The following ZNF730 variants were observed in gnomAD, a reference collection of about 807,000 sequenced individuals.
The protein encoded by ZNF730 is zinc finger protein 730, also known as putative zinc finger protein 730.
ZNF730 carries 12 observed loss-of-function variants against 12.6 expected under a neutral mutation model. That is an observed-to-expected ratio of 0.95 (90% CI 0.61 to 1.54). The LOEUF (loss-of-function observed/expected upper bound fraction) is 1.54, where lower values mean the gene tolerates loss of function less well. ZNF730 is among the 40% of genes most tolerant of loss of function. The pLI, the probability that ZNF730 is intolerant of heterozygous loss-of-function variation, is 0.00. For missense variants in ZNF730, 643 were observed against 583.5 expected (o/e 1.10, Z -1.05); for synonymous variants, 194 against 195.8 (o/e 0.99, Z 0.08).
intron 1 of ZNF730, chr19:23,128,384 A>G (rs1395452157): frequency 2.1e-6 from 1 of 466,794 alleles, no homozygotes; most frequent in Non-Finnish European, 4.0e-6. Flanking sequence ...AAGGAGATGC[A>G]TAAGAAAGCT....
intron 3 of ZNF730, chr19:23,144,227 G>A (rs1213727526): frequency 6.6e-6 from 1 of 151,708 alleles, no homozygotes; most frequent in African/African-American, 2.4e-5. Context: ...ATCTTTAATT[G>A]AGATTTGGAC....
chr19:23,138,909 C>T (rs1970873042), intron 3 of ZNF730, among the ~76,000 whole-genome samples: 1 of 152,090 alleles, frequency 6.6e-6, no homozygotes, highest in Non-Finnish European at 1.5e-5. Flanking sequence ...GACAGATTTT[C>T]TTGCTGTAGG....
In ZNF730 at chr19:23,144,028, A is replaced by AT. The variant is rs1970966293; in HGVS notation, c.227-1237dup. 3 of 150,072 alleles carry AT rather than the reference A, an allele frequency of 2.0e-5. No individual in the cohort carries two copies. The South Asian group carries it at 6.4e-4, about 32-fold the overall frequency. 9.3% of individuals were successfully genotyped at this position (150,072 alleles called of 1,614,324 possible). On this transcript the variant is annotated intron_variant, in intron 3 of 3. Coordinates refer to ENST00000597761, the MANE Select transcript of ZNF730 (RefSeq NM_001277403.2). ...TTACCCCCATAATTTCTATTTTTTAATTTTTTCAATATTTTTGTTCTTATC... is the reference window on the plus strand; with the variant it reads ...TTACCCCCATAATTTCTATTTTTTAATTTTTTTCAATATTTTTGTTCTTATC...
At chr19:23,095,218 C>CT in intron 1 of ZNF730, 1 of 395,038 alleles carries the variant, frequency 2.5e-6, no homozygotes, top group Non-Finnish European at 4.5e-6. Context: ...ATCACTGGGT[C>CT]TTGTACCCAG....
chr19:23,101,458 G>A lies in ZNF730; in HGVS notation c.-94+26071G>A, dbSNP rs74354526. On this transcript the variant is annotated intron_variant, in intron 1 of 2. Coordinates refer to the ZNF730 transcript ENST00000593635. ...TACTTAGACCCAACGTACAGAAAGTGTTGACTCATACCTAGCACCTGGACA... is the reference window on the plus strand; with the variant it reads ...TACTTAGACCCAACGTACAGAAAGTATTGACTCATACCTAGCACCTGGACA... Among the ~76,000 whole-genome samples, 1,336 of 152,314 alleles carry A rather than the reference G, an allele frequency of 8.8e-3. 24 individuals carry two copies. Among genetic ancestry groups the A allele is most frequent in the African/African-American group, 0.029 (1,224 of 41,562 alleles).
Position 23,145,495 on chromosome 19 carries a change from G to A in ZNF730, c.451G>A (p.Val151Met), listed in dbSNP as rs867642077. ...HSKIFQCDKYVKVFHKFSNSN... is the reference protein window; with the variant it reads ...HSKIFQCDKYMKVFHKFSNSN... ...CAAAATATTTCAGTGTGACAAATAT[G>A]TGAAAGTCTTTCATAAATTTTCAAA... The change falls in exon 4 of 4, where the codon GTG becomes ATG. Residue 151 changes from valine (V) to methionine (M), a missense_variant. Val to Met is a conservative substitution (Grantham distance 21). Coordinates refer to ENST00000597761, the MANE Select transcript of ZNF730 (RefSeq NM_001277403.2). The A allele has an allele frequency of 4.5e-6, 7 of 1,564,370 alleles. No individual in the cohort carries two copies. In the South Asian group the frequency reaches 7.1e-5, roughly 16 times the overall value.
At chr19:23,134,662 C>T (rs62122979) in intron 2 of ZNF730, among the ~76,000 whole-genome samples, 6,418 of 143,560 alleles carry the variant, frequency 0.045, 165 homozygotes, top group East Asian at 0.1. Flanking sequence ...CGCTTCTGCC[C>T]GGCCGCCCCT....
intron 1 of ZNF730, chr19:23,128,032 C>A: frequency 1.3e-6 from 1 of 755,450 alleles, no homozygotes; most frequent in Non-Finnish European, 2.4e-6. Context: ...CTGTGAAGGC[C>A]AAGTGGAGGT....
upstream of ZNF730, among the ~76,000 whole-genome samples, chr19:23,115,668 G>A (rs917872631): frequency 2.0e-5 from 3 of 151,748 alleles, no homozygotes; most frequent in African/African-American, 7.2e-5. Context: ...AAGTGCCTCT[G>A]TTGACAGAAG....
chr19:23,089,495 CGTG>C (rs1568301852), intron 1 of ZNF730, among the ~76,000 whole-genome samples: 1 of 152,066 alleles, frequency 6.6e-6, no homozygotes, highest in Non-Finnish European at 1.5e-5. Flanking sequence ...ATTATTGAAT[CGTG>C]GGGTCTGTTT....
intron 1 of ZNF730, among the ~76,000 whole-genome samples, chr19:23,109,155 G>A (rs1970430883): frequency 6.6e-6 from 1 of 151,980 alleles, no homozygotes; most frequent in African/African-American, 2.4e-5. Flanking sequence ...TGAATTACAT[G>A]GAAAGCATTG....
intron 1 of ZNF730, among the ~76,000 whole-genome samples, chr19:23,078,597 GAGGGAACTC>G (rs1969908377): frequency 6.6e-6 from 1 of 152,086 alleles, no homozygotes; most frequent in African/African-American, 2.4e-5. Context: ...AATAAATACT[GAGGGAACTC>G]AGAGACCGGT....
chr19:23,133,330 T>C (rs1428353324), intron 1 of ZNF730, among the ~76,000 whole-genome samples: 2 of 151,172 alleles, frequency 1.3e-5, no homozygotes, highest in Non-Finnish European at 3.0e-5. Context: ...ATCTTGTGTT[T>C]TTTTTGTTTT....
chr19:23,126,680 T>A, intron 1 of ZNF730: 1 of 475,748 alleles, frequency 2.1e-6, no homozygotes, highest in Non-Finnish European at 4.1e-6. Context: ...TTTTTCTGAA[T>A]GCAGCAATGC....
chr19:23,135,125 AC>A (rs1315034703), intron 2 of ZNF730, among the ~76,000 whole-genome samples: 3 of 138,064 alleles, frequency 2.2e-5, no homozygotes, highest in Non-Finnish European at 4.6e-5. Context: ...AAAACCAGAG[AC>A]CTTTGTTCAC....
At chr19:23,087,977 A>G (rs1158445933) in intron 1 of ZNF730, among the ~76,000 whole-genome samples, 1 of 151,526 alleles carries the variant, frequency 6.6e-6, no homozygotes, top group East Asian at 2.0e-4. Context: ...ATTATGTTGA[A>G]TAGGAGTGAT....
chr19:23,081,868 T>G (rs1307463659), intron 1 of ZNF730, among the ~76,000 whole-genome samples: 1 of 152,160 alleles, frequency 6.6e-6, no homozygotes, highest in Non-Finnish European at 1.5e-5. Context: ...TCTTTCCACC[T>G]CAGCTTCCCT....
intron 1 of ZNF730, chr19:23,127,301 A>C: frequency 1.5e-6 from 1 of 678,418 alleles, no homozygotes; most frequent in Non-Finnish European, 2.7e-6. Context: ...TTCCAAGAAG[A>C]CATGGAAATT....
chr19:23,114,808 G>T (rs1264875787), upstream of ZNF730, among the ~76,000 whole-genome samples: 4 of 151,928 alleles, frequency 2.6e-5, no homozygotes, highest in Non-Finnish European at 5.9e-5. Flanking sequence ...TTGAGATGGG[G>T]TCTCATTCTA....
Sources: allele counts gnomAD v4.1 joint callset (sites outside exome capture counted in the v4.1 genomes callset), GRCh38; gene constraint gnomAD v4.1.1; transcripts MANE v1.5; gene names NCBI Gene and HGNC (gene_info 2026-07-23, HGNC 2026-07-21).